The following PCDHA1 variants were observed in gnomAD, a reference collection of about 807,000 sequenced individuals.
PCDHA1 encodes protocadherin alpha-1.
In PCDHA1, 42 loss-of-function variants were observed where a neutral mutation model predicts 61.3. The ratio of observed to expected loss-of-function variants is 0.69; its 90% CI spans 0.54 to 0.89. The LOEUF is 0.89. PCDHA1 is among the 40% of genes least tolerant of loss of function. The probability of loss-of-function intolerance (pLI) is 0.00; values close to 1 mark genes in which losing one functional copy is unlikely to be tolerated. For missense variants in PCDHA1, 1,256 were observed against 1,235.3 expected (o/e 1.02, Z -0.25); for synonymous variants, 610 against 553.8 (o/e 1.10, Z -1.43).
chr5:140,834,478 A>G (rs1554134254), intron 1 of PCDHA1: 1 of 1,614,162 alleles, frequency 6.2e-7, no homozygotes, highest in East Asian at 2.2e-5. Context: ...GGCCAGCTCC[A>G]CTACTCGGTC....
intron 1 of PCDHA1, chr5:140,808,827 G>A: frequency 1.2e-6 from 2 of 1,612,876 alleles, no homozygotes; most frequent in South Asian, 1.1e-5. Flanking sequence ...CCTCTGGGCA[G>A]CAACGTGACG....
intron 1 of PCDHA1, among the ~76,000 whole-genome samples, chr5:140,962,957 C>T (rs915413264): frequency 1.3e-5 from 2 of 152,014 alleles, no homozygotes; most frequent in Non-Finnish European, 2.9e-5. Flanking sequence ...ATGCTCTATC[C>T]CTATATAGGA....
chr5:140,948,839 G>A (rs2094310723), intron 1 of PCDHA1, among the ~76,000 whole-genome samples: 1 of 151,152 alleles, frequency 6.6e-6, no homozygotes, highest in African/African-American at 2.4e-5. Flanking sequence ...GCTTTTGTCT[G>A]TATTATTTGC....
intron 1 of PCDHA1, chr5:140,800,951 T>C (rs890977861): frequency 9.0e-7 from 1 of 1,116,500 alleles, no homozygotes. Flanking sequence ...TCAAACGACA[T>C]ACAAGGAAAA....
intron 1 of PCDHA1, chr5:140,842,175 T>A (rs2150330904): frequency 1.2e-6 from 2 of 1,613,894 alleles, no homozygotes; most frequent in South Asian, 2.2e-5. Flanking sequence ...AATAGCCTTG[T>A]TGAAACTATG....
At chr5:140,999,033 G>A (rs1029128098) in intron 3 of PCDHA1, among the ~76,000 whole-genome samples, 6 of 152,148 alleles carry the variant, frequency 3.9e-5, no homozygotes, top group African/African-American at 1.4e-4. Context: ...TTGATACTTC[G>A]TCCAGTGTGC....
intron 1 of PCDHA1, chr5:140,869,782 C>T (rs782296742): frequency 1.6e-5 from 25 of 1,612,752 alleles, no homozygotes; most frequent in East Asian, 2.2e-5. Context: ...TGGCACCGTT[C>T]GGCTGTTAGT....
chr5:140,891,974 C>T (rs2063333007), intron 1 of PCDHA1, among the ~76,000 whole-genome samples: 1 of 152,170 alleles, frequency 6.6e-6, no homozygotes, highest in South Asian at 2.1e-4. Context: ...AATTTCCGTT[C>T]TCATAAATTA....
chr5:140,944,255 A>G (rs1266795910), intron 1 of PCDHA1, among the ~76,000 whole-genome samples: 5 of 152,098 alleles, frequency 3.3e-5, no homozygotes, highest in African/African-American at 1.2e-4. Context: ...TGATGTGATC[A>G]CTGCTCACTG....
chr5:140,801,110 G>A (rs2149947376), intron 1 of PCDHA1: 1 of 1,511,160 alleles, frequency 6.6e-7, no homozygotes, highest in East Asian at 2.3e-5. Context: ...TAACACCGAG[G>A]AGTTTAAGAA....
intron 1 of PCDHA1, chr5:140,857,813 G>C: frequency 1.9e-6 from 3 of 1,597,816 alleles, no homozygotes; most frequent in Non-Finnish European, 2.6e-6. Context: ...TGCGGGTCAC[G>C]TGGTGGCTAA....
At chr5:140,934,151 A>G (rs1478465122) in intron 1 of PCDHA1, among the ~76,000 whole-genome samples, 3 of 152,088 alleles carry the variant, frequency 2.0e-5, no homozygotes, top group African/African-American at 7.2e-5. Context: ...TTATATGTTT[A>G]TATTTCAGTG....
In PCDHA1 at chr5:140,941,217, T is replaced by TTC. The variant is rs1483555953; in HGVS notation, c.2395-37730_2395-37729dup. Among the ~76,000 whole-genome samples, 308 of 126,180 alleles carry TTC rather than the reference T, an allele frequency of 2.4e-3. 1 individual carries two copies. Among genetic ancestry groups the TTC allele is most frequent in the African/African-American group, 9.4e-3 (294 of 31,220 alleles). The allele number at this position is 126,180 out of a possible 152,430, so 82.8% of individuals were successfully genotyped here. On this transcript the variant is annotated intron_variant, in intron 1 of 3. Coordinates refer to ENST00000504120, the MANE Select transcript of PCDHA1 (RefSeq NM_018900.4). ...TTTCTTTCTTCCTTTCTTTCTTCCT[T>TTC]TCTTTCTTTCTTTCTTTCTTTCTTT...
At chr5:140,961,193 G>C (rs1297758288) in intron 1 of PCDHA1, among the ~76,000 whole-genome samples, 1 of 152,124 alleles carries the variant, frequency 6.6e-6, no homozygotes, top group Non-Finnish European at 1.5e-5. Context: ...CAGGACCCTA[G>C]TGAGGTTGGT....
intron 1 of PCDHA1, chr5:140,866,128 A>G (rs1022878402): frequency 6.6e-6 from 1 of 152,166 alleles, no homozygotes; most frequent in Non-Finnish European, 1.5e-5. Flanking sequence ...AGAACTACGT[A>G]TCTGTTGTTT....
chr5:140,900,381 G>A lies in PCDHA1; in HGVS notation c.2395-78568G>A, dbSNP rs149167159. 1.2e-4 allele frequency among the ~76,000 whole-genome samples: 19 copies of A among 152,024 alleles called. 1 individual carries two copies. The East Asian group carries it at 2.1e-3, about 17-fold the overall frequency. ...CAACCTCTGCCTCCTGGGTTCAAGC[G>A]ATTCTCCTGCCTCAGCCTCCCAAGT... is the stretch of plus-strand genomic sequence containing the variant. On this transcript the variant is annotated intron_variant, in intron 1 of 3. Transcript: ENST00000504120.
At chr5:140,798,303 A>G (rs1242752677) in intron 1 of PCDHA1, among the ~76,000 whole-genome samples, 3 of 152,242 alleles carry the variant, frequency 2.0e-5, no homozygotes, top group Non-Finnish European at 4.4e-5. Flanking sequence ...TGTTTTTTAT[A>G]AGTAAAATAA....
At chr5:140,795,109 G>T (rs374233673) in intron 1 of PCDHA1, 1 of 1,613,912 alleles carries the variant, frequency 6.2e-7, no homozygotes, top group African/African-American at 1.3e-5. Context: ...GGGCCGCATC[G>T]CGCAGGACCT....
intron 1 of PCDHA1, chr5:140,849,943 ACG>A (rs2041244627): frequency 1.3e-6 from 2 of 1,597,782 alleles, no homozygotes; most frequent in Admixed American, 1.7e-5. Context: ...CGGGACGCTG[ACG>A]CGCAGGAGAA....
Sources: allele counts gnomAD v4.1 joint callset (sites outside exome capture counted in the v4.1 genomes callset), GRCh38; gene constraint gnomAD v4.1.1; transcripts MANE v1.5; gene names NCBI Gene and HGNC (gene_info 2026-07-23, HGNC 2026-07-21).